Variants in RASSF3 observed in about 807,000 individuals in gnomAD.
RASSF3 encodes the protein Ras association domain family member 3, also known as ras association domain-containing protein 3.
A neutral mutation model predicts 19.9 loss-of-function variants in RASSF3; 19 were observed. The ratio of observed to expected loss-of-function variants is 0.96; its 90% CI spans 0.67 to 1.40. RASSF3 has a LOEUF of 1.40. RASSF3 is among the 40% of genes most tolerant of loss of function. The pLI, the probability that RASSF3 is intolerant of heterozygous loss-of-function variation, is 0.00. For missense variants in RASSF3, 306 were observed against 289.8 expected (o/e 1.06, Z -0.41); for synonymous variants, 110 against 104.2 (o/e 1.06, Z -0.34).
At chr12:64,586,679 T>G (rs1180857446) in intron 2 of RASSF3, among the ~76,000 whole-genome samples, 2 of 151,964 alleles carry the variant, frequency 1.3e-5, no homozygotes, top group East Asian at 2.0e-4. Flanking sequence ...TCCCAGCACT[T>G]TGGGAGGCCG....
At chr12:64,576,330 TGGAA>T (rs1869595642) in intron 2 of RASSF3, among the ~76,000 whole-genome samples, 1 of 152,114 alleles carries the variant, frequency 6.6e-6, no homozygotes, top group Non-Finnish European at 1.5e-5. Context: ...TGAATATCTA[TGGAA>T]GGAAGGAAGA....
intron 2 of RASSF3, chr12:64,599,116 T>A (rs566636877): frequency 6.6e-6 from 1 of 152,332 alleles, no homozygotes; most frequent in Non-Finnish European, 1.5e-5. Flanking sequence ...GTTTACAAAA[T>A]GCACGTGGCT....
chr12:64,689,791 C>CTTTTTTTTTTCTTTTT (rs1868255309), intron 3 of RASSF3, among the ~76,000 whole-genome samples: 1 of 96,556 alleles, frequency 1.0e-5, no homozygotes, highest in Non-Finnish European at 2.0e-5. Flanking sequence ...TTCGCTAATT[C>CTTTTTTTTTTCTTTTT]TTTTTTTTTT....
chr12:64,539,008 T>C (rs533361843), intron 1 of RASSF3, among the ~76,000 whole-genome samples: 1 of 152,268 alleles, frequency 6.6e-6, no homozygotes, highest in African/African-American at 2.4e-5. Context: ...ATCATGCCAC[T>C]GCACTCCAGC....
chr12:64,659,476 A>G (rs1872269636), intron 1 of RASSF3, among the ~76,000 whole-genome samples: 1 of 152,164 alleles, frequency 6.6e-6, no homozygotes. Context: ...GCTTTAGGAT[A>G]CAGAGGGGTC....
chr12:64,696,088 T>TCCCG lies in RASSF3; in HGVS notation c.*1179_*1180insGCCC. 1 of 79,080 alleles carries TCCCG rather than the reference T, an allele frequency of 1.3e-5. No individual in the cohort carries two copies. The highest frequency in any genetic ancestry group is 2.7e-5 in the Non-Finnish European group (1 of 37,688). The allele number at this position is 79,080 out of a possible 1,614,324, so 4.9% of individuals were successfully genotyped here. On this transcript the variant is annotated 3_prime_UTR_variant, in exon 5 of 5. Coordinates refer to ENST00000542104, the MANE Select transcript of RASSF3 (RefSeq NM_178169.4). ...CTCCCACCCTACCTTGTTCTTTTCCTCCCTCCCTCCCTCCCTCCCTCCCTC... is the reference window on the plus strand; with the variant it reads ...CTCCCACCCTACCTTGTTCTTTTCCTCCCGCCCTCCCTCCCTCCCTCCCTCCCTC...
chr12:64,687,631 T>G (rs1873411344), intron 2 of RASSF3, among the ~76,000 whole-genome samples: 1 of 152,182 alleles, frequency 6.6e-6, no homozygotes, highest in African/African-American at 2.4e-5. Context: ...CATTCTATGC[T>G]GTATGGCATA....
chr12:64,653,149 G>A (rs1288673078), intron 1 of RASSF3, among the ~76,000 whole-genome samples: 1 of 152,148 alleles, frequency 6.6e-6, no homozygotes, highest in African/African-American at 2.4e-5. Context: ...AATCGTTGCA[G>A]CCTTGATCTT....
intron 1 of RASSF3, among the ~76,000 whole-genome samples, chr12:64,656,078 T>A (rs1165984686): frequency 6.6e-6 from 1 of 151,542 alleles, no homozygotes; most frequent in African/African-American, 2.4e-5. Context: ...CTAACTTGGA[T>A]CTCAGGTTAA....
At chr12:64,583,183 C>T (rs1172070909) in intron 2 of RASSF3, among the ~76,000 whole-genome samples, 1 of 152,120 alleles carries the variant, frequency 6.6e-6, no homozygotes, top group Non-Finnish European at 1.5e-5. Context: ...AGAATAGGAA[C>T]AAAATGATCT....
intron 2 of RASSF3, among the ~76,000 whole-genome samples, chr12:64,556,837 T>C (rs929562031): frequency 5.0e-4 from 21 of 42,162 alleles, no homozygotes; most frequent in Middle Eastern, 0.013. Context: ...CCTACCCCTT[T>C]TTTTTTTTTT....
At chr12:64,621,338 T>C (rs1424500741) in intron 1 of RASSF3, among the ~76,000 whole-genome samples, 2 of 152,206 alleles carry the variant, frequency 1.3e-5, no homozygotes, top group Non-Finnish European at 2.9e-5. Flanking sequence ...ATTTGTCTAT[T>C]AGGTAGGCAA....
At chr12:64,515,405 CA>C (rs1868356535) in intron 1 of RASSF3, 1 of 152,190 alleles carries the variant, frequency 6.6e-6, no homozygotes, top group African/African-American at 2.4e-5. Context: ...ACCTCCACCC[CA>C]GATCCCTTTT....
chr12:64,510,492 C>A (rs996958180), intron 1 of RASSF3, among the ~76,000 whole-genome samples: 1 of 152,110 alleles, frequency 6.6e-6, no homozygotes, highest in South Asian at 2.1e-4. Context: ...TCCCTAAGTA[C>A]CTTCATCCCG....
At chr12:64,543,929 C>T (rs11175438), downstream of RASSF3, among the ~76,000 whole-genome samples, 50,290 of 151,678 alleles carry the variant, frequency 0.33, 10,285 homozygotes, top group East Asian at 0.66. Flanking sequence ...GGATTGTAAA[C>T]GCACCAATCA....
rs1261002641 is a variant in RASSF3 at position 64,689,191 on chromosome 12, G to GT, written c.457+739dup. On this transcript the variant is annotated intron_variant, in intron 3 of 4. Coordinates refer to ENST00000542104, the MANE Select transcript of RASSF3 (RefSeq NM_178169.4). The stretch of plus-strand genomic sequence containing the variant: ...AACATTGGTGGACAGTAGTGATTCA[G>GT]TGACTCACTACATGCGATTTGAAAT... 2.0e-5 allele frequency among the ~76,000 whole-genome samples: 3 copies of GT among 151,062 alleles called. No homozygotes were observed. The East Asian group carries it at 5.9e-4, about 30-fold the overall frequency.
intron 1 of RASSF3, among the ~76,000 whole-genome samples, chr12:64,667,446 C>T (rs1872565667): frequency 6.6e-6 from 1 of 152,190 alleles, no homozygotes; most frequent in South Asian, 2.1e-4. Context: ...CCCGCCTCAG[C>T]CTCCCAAAGT....
chr12:64,592,043 A>G (rs1869934751), intron 2 of RASSF3, among the ~76,000 whole-genome samples: 1 of 151,934 alleles, frequency 6.6e-6, no homozygotes, highest in Non-Finnish European at 1.5e-5. Flanking sequence ...CTGGGACTAC[A>G]GGCGTATGCC....
intron 1 of RASSF3, among the ~76,000 whole-genome samples, chr12:64,526,755 A>C (rs1868596643): frequency 6.6e-6 from 1 of 152,172 alleles, no homozygotes; most frequent in Non-Finnish European, 1.5e-5. Context: ...TATGTTGCAC[A>C]GGCTGGTCTT....
Sources: allele counts gnomAD v4.1 joint callset (sites outside exome capture counted in the v4.1 genomes callset), GRCh38; gene constraint gnomAD v4.1.1; transcripts MANE v1.5; gene names NCBI Gene and HGNC (gene_info 2026-07-23, HGNC 2026-07-21).